Variants in COG6 observed in about 807,000 individuals in gnomAD.
The protein encoded by COG6 is conserved oligomeric Golgi complex subunit 6.
In COG6, 74 loss-of-function variants were observed where a neutral mutation model predicts 88.8. The observed-to-expected ratio is 0.83, with a 90% CI of 0.69 to 1.01. COG6 has a LOEUF of 1.01. COG6 is among the 50% of genes least tolerant of loss of function. The pLI, the probability that COG6 is intolerant of heterozygous loss-of-function variation, is 0.00. For synonymous variants in COG6, 286 were observed against 278.7 expected (o/e 1.03, Z -0.26); for missense variants, 800 against 797.9 (o/e 1.00, Z -0.03).
At chr13:39,771,856 A>G (rs1292116139) in intron 18 of COG6, among the ~76,000 whole-genome samples, 1 of 152,242 alleles carries the variant, frequency 6.6e-6, no homozygotes, top group Non-Finnish European at 1.5e-5. Context: ...AATGCTTGCC[A>G]GGTTCCTGGC....
chr13:39,785,794 A>G (rs1397508894), intron 18 of COG6, among the ~76,000 whole-genome samples: 1 of 152,240 alleles, frequency 6.6e-6, no homozygotes, highest in Non-Finnish European at 1.5e-5. Flanking sequence ...TATTTAAACT[A>G]AATCCTTCAG....
intron 1 of COG6, among the ~76,000 whole-genome samples, chr13:39,658,381 T>C (rs1217173285): frequency 6.6e-6 from 1 of 151,980 alleles, no homozygotes; most frequent in Non-Finnish European, 1.5e-5. Flanking sequence ...GGCATCAAAC[T>C]ATCCTCCCAA....
chr13:39,707,004 A>C (rs953968736), intron 13 of COG6, among the ~76,000 whole-genome samples: 1 of 152,046 alleles, frequency 6.6e-6, no homozygotes, highest in East Asian at 1.9e-4. Flanking sequence ...TTTAAATGTG[A>C]AATTTTTCTG....
chr13:39,783,778 A>T (rs1881697459), intron 18 of COG6, among the ~76,000 whole-genome samples: 1 of 152,174 alleles, frequency 6.6e-6, no homozygotes, highest in African/African-American at 2.4e-5. Flanking sequence ...TCATTTATCT[A>T]TAGGCAGCTC....
chr13:39,682,202 T>C lies in COG6; in HGVS notation c.726T>C (p.Cys242=), dbSNP rs368089091. ...SECRTLTQES[C]DVSPVLTQAM... is the part of the protein sequence containing the mutation. ...GCAGAACATTGACACAAGAATCATG[T>C]GACGTATCTCCAGTATTGACACAGG... The change falls in exon 8 of 19, where the codon TGT becomes TGC. Residue 242 remains cysteine, a synonymous_variant. Coordinates refer to ENST00000455146, the MANE Select transcript of COG6 (RefSeq NM_020751.3). 5 of 1,612,414 alleles carry C rather than the reference T, an allele frequency of 3.1e-6. No individual in the cohort carries two copies. The highest frequency in any genetic ancestry group is 4.2e-6 in the Non-Finnish European group (5 of 1,178,542).
intron 18 of COG6, among the ~76,000 whole-genome samples, chr13:39,782,628 T>G (rs1226364199): frequency 6.6e-6 from 1 of 152,176 alleles, no homozygotes; most frequent in Non-Finnish European, 1.5e-5. Context: ...AAATGAGAGC[T>G]ACACCTGTCC....
At chr13:39,775,219 A>C (rs1881429434) in intron 18 of COG6, among the ~76,000 whole-genome samples, 1 of 152,126 alleles carries the variant, frequency 6.6e-6, no homozygotes, top group Non-Finnish European at 1.5e-5. Flanking sequence ...AACATAACCT[A>C]GTTTGTCTCA....
rs1395800945 is a variant in COG6, at chr13:39,687,929, CTT to C, written c.1009+132_1009+133del. ...TGGTACAATAAGCATCCTGATTACTCTTTCTCTTCTCTAGATTCTCCCTCATT... is the reference window on the plus strand; with the variant it reads ...TGGTACAATAAGCATCCTGATTACTCTCTCTTCTCTAGATTCTCCCTCATT... On this transcript the variant is annotated intron_variant, in intron 10 of 18. Coordinates refer to ENST00000455146, the MANE Select transcript of COG6 (RefSeq NM_020751.3). 5 of 712,534 alleles carry C rather than the reference CTT, an allele frequency of 7.0e-6. No individual in the cohort carries two copies. In the East Asian group the frequency reaches 1.3e-4, roughly 19 times the overall value. The allele number at this position is 712,534 out of a possible 1,614,324, so 44.1% of individuals were successfully genotyped here. A position where few individuals can be genotyped will look rare whatever the true frequency, so the allele number is the denominator to read the frequency against.
intron 17 of COG6, 46 bp downstream of exon 17, chr13:39,724,607 G>C: frequency 7.3e-7 from 1 of 1,368,336 alleles, no homozygotes; most frequent in Non-Finnish European, 1.0e-6. Context: ...CTTATGGATC[G>C]ATAGTCTTCA....
At chr13:39,675,143 G>A (rs769889985) in intron 4 of COG6, among the ~76,000 whole-genome samples, 4 of 151,626 alleles carry the variant, frequency 2.6e-5, no homozygotes, top group Admixed American at 6.6e-5. Context: ...TCTTAAATAC[G>A]CTAGAAGTTA....
At chr13:39,709,203 A>G (rs1320341366) in intron 13 of COG6, among the ~76,000 whole-genome samples, 1 of 152,202 alleles carries the variant, frequency 6.6e-6, no homozygotes, top group East Asian at 1.9e-4. Context: ...AAGGGTGAAT[A>G]TATATCCAGG....
At chr13:39,762,702 A>G (rs770683367) in intron 18 of COG6, among the ~76,000 whole-genome samples, 2 of 146,530 alleles carry the variant, frequency 1.4e-5, no homozygotes, top group Non-Finnish European at 3.0e-5. Flanking sequence ...TCATAATATT[A>G]TTTTCCGTGA....
chr13:39,742,860 C>G (rs138997265), intron 18 of COG6, among the ~76,000 whole-genome samples: 2,772 of 152,236 alleles, frequency 0.018, 38 homozygotes, highest in South Asian at 0.051. Flanking sequence ...CGAAGTAAAG[C>G]ACTCCTCAGC....
chr13:39,724,655 T>C (rs1473830414), intron 17 of COG6, 94 bp downstream of exon 17: 2 of 962,550 alleles, frequency 2.1e-6, no homozygotes, highest in Non-Finnish European at 3.4e-6. Flanking sequence ...GGGTGACACT[T>C]TTTATCTCTT....
In COG6 at chr13:39,665,141, C is replaced by G. The variant is rs758154736; in HGVS notation, c.415C>G (p.Leu139Val). 5.2e-6 allele frequency: 8 copies of G among 1,534,908 alleles called. No homozygotes were observed. The Admixed American group carries it at 1.3e-4, about 26-fold the overall frequency. The change falls in exon 4 of 19, where the codon CTT (leucine) becomes GTT (valine). Residue 139 changes from leucine to valine, a missense_variant. Leu to Val is a conservative substitution (Grantham distance 32). Coordinates refer to ENST00000455146, the MANE Select transcript of COG6 (RefSeq NM_020751.3). ...AGATTTAATAGTAAAAACCACTAAG[C>G]TTCAATCTGAAAGGTAAGTTTTTCT... ...TQDLIVKTTKLQSESQKLEIR... is the reference protein window; with the variant it reads ...TQDLIVKTTKVQSESQKLEIR...
At chr13:39,787,596 C>CTA (rs985889672) in intron 18 of COG6, among the ~76,000 whole-genome samples, 1 of 151,938 alleles carries the variant, frequency 6.6e-6, no homozygotes, top group South Asian at 2.1e-4. Flanking sequence ...TAAGTGTTAA[C>CTA]TATATATATA....
chr13:39,707,961 G>A (rs1345195674), intron 13 of COG6, among the ~76,000 whole-genome samples: 2 of 152,142 alleles, frequency 1.3e-5, no homozygotes, highest in Admixed American at 6.5e-5. Flanking sequence ...ATATTGCTAA[G>A]TATTTTTCCA....
chr13:39,684,483 C>T (rs1324219418), intron 8 of COG6, among the ~76,000 whole-genome samples: 1 of 151,742 alleles, frequency 6.6e-6, no homozygotes, highest in Non-Finnish European at 1.5e-5. Flanking sequence ...ATCTCCTGAC[C>T]TCGTGATCCA....
intron 18 of COG6, among the ~76,000 whole-genome samples, chr13:39,738,949 A>T (rs577904010): frequency 7.2e-5 from 11 of 152,150 alleles, no homozygotes; most frequent in Non-Finnish European, 1.6e-4. Flanking sequence ...ATTTCTGCAT[A>T]GTCCTCTCAG....
Sources: allele counts gnomAD v4.1 joint callset (sites outside exome capture counted in the v4.1 genomes callset), GRCh38; gene constraint gnomAD v4.1.1; transcripts MANE v1.5; gene names NCBI Gene and HGNC (gene_info 2026-07-23, HGNC 2026-07-21).